The following GLIS1 variants were observed in gnomAD, a reference collection of about 807,000 sequenced individuals.
The protein encoded by GLIS1 is zinc finger protein GLIS1.
Under a neutral mutation model 63.8 loss-of-function variants are expected in GLIS1, and 24 were observed. That is an observed-to-expected ratio of 0.38 (90% confidence interval 0.27 to 0.53). The LOEUF is 0.53. GLIS1 is among the 20% of genes least tolerant of loss of function. GLIS1 has a pLI of 0.85. For missense variants in GLIS1, 1,036 were observed against 1,074.1 expected, an observed-to-expected ratio of 0.96 and a Z score of 0.50; for synonymous variants, 450 against 482.5, an observed-to-expected ratio of 0.93 and a Z score of 0.88.
intron 10 of GLIS1, among the ~76,000 whole-genome samples, chr1:53,508,672 A>T (rs1644262809): frequency 6.6e-6 from 1 of 152,092 alleles, no homozygotes; most frequent in African/African-American, 2.4e-5. Context: ...AACACCAGGT[A>T]CCTAAGTGGG....
intron 4 of GLIS1, among the ~76,000 whole-genome samples, chr1:53,575,358 G>A (rs550205880): frequency 8.9e-4 from 136 of 152,198 alleles, no homozygotes; most frequent in African/African-American, 2.2e-3. Context: ...CCCCATCACC[G>A]GGCCCCTGCC....
At chr1:53,522,867 T>C (rs185844378) in intron 6 of GLIS1, among the ~76,000 whole-genome samples, 1 of 152,252 alleles carries the variant, frequency 6.6e-6, no homozygotes, top group Admixed American at 6.5e-5. Context: ...TGAGCCATGA[T>C]CGTGCCACTG....
chr1:53,698,115 C>A (rs1646485673), intron 2 of GLIS1, among the ~76,000 whole-genome samples: 1 of 106,896 alleles, frequency 9.4e-6, no homozygotes, highest in Admixed American at 1.5e-4. Flanking sequence ...AGCAAACAAA[C>A]AGGAAACAAT....
intron 2 of GLIS1, among the ~76,000 whole-genome samples, chr1:53,624,924 CAT>C (rs1645579997): frequency 2.6e-5 from 4 of 152,148 alleles, no homozygotes; most frequent in Admixed American, 1.3e-4. Context: ...AAGACACACA[CAT>C]GAGAAGGTGC....
chr1:53,719,547 A>T (rs1557539900), intron 2 of GLIS1, among the ~76,000 whole-genome samples: 1 of 152,238 alleles, frequency 6.6e-6, no homozygotes, highest in Non-Finnish European at 1.5e-5. Context: ...CCACTGTCTT[A>T]GGACTCAGCC....
At position 53,613,987 on chromosome 1, in the gene GLIS1, A is replaced by G. The variant is rs143799013; in HGVS notation, c.260-13709T>C. The stretch of plus-strand genomic sequence containing the variant: ...AGGAAAATATTTATAAGAATTAATT[A>G]TAAGCGCAGGATTCAAAATTCCATA... On this transcript the variant is annotated intron_variant, in intron 2 of 10. Transcript: ENST00000628545. Among the ~76,000 whole-genome samples the G allele has an allele frequency of 4.0e-3, 602 of 152,372 alleles. 5 individuals carry two copies. The highest frequency in any genetic ancestry group is 0.014 in the African/African-American group (579 of 41,588).
chr1:53,698,016 C>T (rs890027984), intron 2 of GLIS1, among the ~76,000 whole-genome samples: 9 of 152,184 alleles, frequency 5.9e-5, no homozygotes, highest in African/African-American at 1.9e-4. Flanking sequence ...TCTCCACATC[C>T]GTTTCCTGAC....
At chr1:53,734,162 C>A (rs1646891445) in intron 2 of GLIS1, 1 of 985,148 alleles carries the variant, frequency 1.0e-6, no homozygotes, top group Middle Eastern at 5.2e-4. Flanking sequence ...CGTGATCAAC[C>A]TCTTTTTTAT....
intron 2 of GLIS1, among the ~76,000 whole-genome samples, chr1:53,622,300 C>A (rs1250202875): frequency 6.6e-6 from 1 of 151,562 alleles, no homozygotes; most frequent in African/African-American, 2.4e-5. Context: ...TGGTGGTGTG[C>A]GCCTGTAATC....
At chr1:53,509,516 A>G (rs1046904627) in intron 9 of GLIS1, among the ~76,000 whole-genome samples, 4 of 152,106 alleles carry the variant, frequency 2.6e-5, no homozygotes, top group African/African-American at 9.7e-5. Context: ...AGATGGTCTC[A>G]CGTGGCTGCT....
At chr1:53,614,803 C>T (rs143522158) in intron 2 of GLIS1, among the ~76,000 whole-genome samples, 265 of 151,610 alleles carry the variant, frequency 1.7e-3, no homozygotes, top group Middle Eastern at 6.8e-3. Flanking sequence ...CACACACACG[C>T]ACACACATGC....
intron 2 of GLIS1, among the ~76,000 whole-genome samples, chr1:53,703,246 T>A (rs1020143833): frequency 1.8e-4 from 27 of 152,176 alleles, no homozygotes; most frequent in Admixed American, 1.8e-3. Context: ...ACTATTATTA[T>A]CTCTATTTCA....
intron 4 of GLIS1, among the ~76,000 whole-genome samples, chr1:53,544,670 G>C (rs1480113789): frequency 6.6e-6 from 1 of 152,040 alleles, no homozygotes; most frequent in Admixed American, 6.5e-5. Flanking sequence ...TCCCTCTCCA[G>C]GTTCCTGTTA....
intron 2 of GLIS1, among the ~76,000 whole-genome samples, chr1:53,611,797 A>G (rs2950258): frequency 0.75 from 114,644 of 152,148 alleles, 43,344 homozygotes; most frequent in Middle Eastern, 0.86. Context: ...TGAAGCTGTT[A>G]AAAGCTCTGC....
intron 4 of GLIS1, among the ~76,000 whole-genome samples, chr1:53,561,288 G>A (rs1000454462): frequency 6.6e-6 from 1 of 151,940 alleles, no homozygotes; most frequent in African/African-American, 2.4e-5. Context: ...TATAAACAGT[G>A]CACGACTTTA....
intron 4 of GLIS1, among the ~76,000 whole-genome samples, chr1:53,549,625 T>G (rs1193488746): frequency 6.6e-6 from 1 of 152,268 alleles, no homozygotes; most frequent in Non-Finnish European, 1.5e-5. Context: ...TGTTATCTTT[T>G]TCATTATTAA....
At chr1:53,693,852 G>A (rs1407736046) in intron 2 of GLIS1, among the ~76,000 whole-genome samples, 1 of 152,222 alleles carries the variant, frequency 6.6e-6, no homozygotes. Flanking sequence ...CCCTCCAGAT[G>A]GCTGTGCCGC....
chr1:53,684,192 C>T (rs1646305550), intron 2 of GLIS1, among the ~76,000 whole-genome samples: 1 of 152,094 alleles, frequency 6.6e-6, no homozygotes, highest in Admixed American at 6.5e-5. Context: ...GTCCTCCCCA[C>T]CCCCAAGATC....
chr1:53,722,619 T>G (rs1420074671), intron 2 of GLIS1, among the ~76,000 whole-genome samples: 1 of 152,116 alleles, frequency 6.6e-6, no homozygotes, highest in Non-Finnish European at 1.5e-5. Context: ...GGTGGGAGTA[T>G]TGCTTGAACC....
Sources: gnomAD v4.1 joint callset for allele counts (sites outside exome capture counted in the v4.1 genomes callset) on GRCh38, gnomAD v4.1.1 for gene constraint, MANE v1.5 for transcripts, NCBI Gene and HGNC (gene_info 2026-07-23, HGNC 2026-07-21) for gene names.